Variants in PTPRK observed in about 807,000 individuals in gnomAD.
PTPRK encodes the protein protein tyrosine phosphatase receptor type K.
In PTPRK, 75 loss-of-function variants were observed where a neutral mutation model predicts 178.0. That is an observed-to-expected ratio of 0.42 (90% CI 0.35 to 0.51). The LOEUF is 0.51. Ranked by LOEUF, PTPRK falls within the 20% of genes least tolerant of loss-of-function variation. The pLI is 0.02. For missense variants in PTPRK, 1,441 were observed against 1,797.8 expected (o/e 0.80, Z 3.59); for synonymous variants, 637 against 620.6 (o/e 1.03, Z -0.39).
chr6:128,072,460 A>G (rs576525163), intron 11 of PTPRK, among the ~76,000 whole-genome samples: 2 of 152,118 alleles, frequency 1.3e-5, no homozygotes, highest in African/African-American at 4.8e-5. Context: ...ATCAGCTAAT[A>G]CAAAACCTGT....
chr6:128,339,413 T>C (rs1413174812), intron 2 of PTPRK, among the ~76,000 whole-genome samples: 1 of 152,080 alleles, frequency 6.6e-6, no homozygotes, highest in Non-Finnish European at 1.5e-5. Context: ...ACTAAACACA[T>C]CTTGAATCTG....
intron 15 of PTPRK, among the ~76,000 whole-genome samples, chr6:128,001,693 T>C (rs2114693967): frequency 6.6e-6 from 1 of 152,086 alleles, no homozygotes; most frequent in Non-Finnish European, 1.5e-5. Flanking sequence ...GGAATTATTA[T>C]ACTGTTTTAT....
chr6:128,213,889 CAAAGG>C (rs911727134), intron 6 of PTPRK, among the ~76,000 whole-genome samples: 1 of 152,044 alleles, frequency 6.6e-6, no homozygotes, highest in Non-Finnish European at 1.5e-5. Flanking sequence ...ACCCACTTGA[CAAAGG>C]AAAGAGTCTG....
intron 13 of PTPRK, among the ~76,000 whole-genome samples, chr6:128,037,701 A>C (rs2114822565): frequency 6.6e-6 from 1 of 152,292 alleles, no homozygotes; most frequent in Non-Finnish European, 1.5e-5. Context: ...TCATGTCAGT[A>C]AATAAATTTT....
intron 13 of PTPRK, among the ~76,000 whole-genome samples, chr6:128,047,878 GT>G (rs1337545067): frequency 2.0e-5 from 3 of 151,542 alleles, no homozygotes; most frequent in Admixed American, 1.3e-4. Context: ...AATTAAGGAA[GT>G]CCAGCAATGG....
In PTPRK at chr6:128,343,500, CA is replaced by C. The variant is rs1199189035; in HGVS notation, c.224-21191del. ...GGGCAACAAGAGTGAAACTCCATCTCAAAAAAAAAAAAAAAGAAAAGAAAAA... is the reference window on the plus strand; with the variant it reads ...GGGCAACAAGAGTGAAACTCCATCTCAAAAAAAAAAAAAAGAAAAGAAAAA... On this transcript the variant is annotated intron_variant, in intron 2 of 29. Coordinates refer to ENST00000368226, the MANE Select transcript of PTPRK (RefSeq NM_002844.4). Among the ~76,000 whole-genome samples, 218 of 68,308 alleles carry C rather than the reference CA, an allele frequency of 3.2e-3. 2 individuals carry two copies. Among genetic ancestry groups the C allele is most frequent in the African/African-American group, 4.7e-3 (103 of 21,708 alleles). 44.8% of individuals were successfully genotyped at this position (68,308 alleles called of 152,430 possible).
rs904346320 is a variant in PTPRK, at chr6:128,083,894, CTAGA to C, written c.1466-74_1466-71del. On this transcript the variant is annotated intron_variant, in intron 8 of 29. Coordinates refer to ENST00000368226, the MANE Select transcript of PTPRK (RefSeq NM_002844.4). ...AAACAGAAAAAGTAAATCAGATAAG[CTAGA>C]TAAACAGGATTAAAAATAAATATAA... The C allele has an allele frequency of 9.4e-6, 7 of 743,524 alleles. No individual in the cohort carries two copies. In the African/African-American group the frequency reaches 1.3e-4, roughly 14 times the overall value. 46.1% of individuals were successfully genotyped at this position (743,524 alleles called of 1,614,324 possible). A position where few individuals can be genotyped will look rare whatever the true frequency, so the allele number is the denominator to read the frequency against.
rs944844128 is a variant in PTPRK, at chr6:128,520,210, T to A, written c.100+49A>T. 8 of 1,503,782 alleles carry A rather than the reference T, an allele frequency of 5.3e-6. No homozygotes were observed. In the African/African-American group the frequency reaches 5.6e-5, roughly 10 times the overall value. 93.2% of individuals were successfully genotyped at this position (1,503,782 alleles called of 1,614,324 possible). On this transcript the variant is annotated intron_variant, in intron 1 of 29. Transcript: ENST00000368226. ...TAGCGGGGACCTGGCTCACCCCTCG[T>A]GAGCCCAGGACTCCAGGCGTTCGTC...
intron 1 of PTPRK, among the ~76,000 whole-genome samples, chr6:128,443,999 C>T (rs533282928): frequency 3.9e-5 from 6 of 152,194 alleles, no homozygotes; most frequent in East Asian, 1.9e-4. Context: ...ACTACAGGCA[C>T]GTGCCACCAC....
chr6:128,361,072 T>G (rs972569357), intron 2 of PTPRK, among the ~76,000 whole-genome samples: 1 of 152,148 alleles, frequency 6.6e-6, no homozygotes, highest in African/African-American at 2.4e-5. Flanking sequence ...GTATCTAAAT[T>G]TATAAGGACT....
intron 1 of PTPRK, among the ~76,000 whole-genome samples, chr6:128,501,757 G>A (rs1024589388): frequency 6.6e-6 from 1 of 152,118 alleles, no homozygotes; most frequent in African/African-American, 2.4e-5. Context: ...AGTAACTTTA[G>A]CTAACAAATA....
chr6:128,101,060 G>T (rs560286671), intron 7 of PTPRK, among the ~76,000 whole-genome samples: 1 of 152,012 alleles, frequency 6.6e-6, no homozygotes, highest in East Asian at 1.9e-4. Flanking sequence ...ATATGTCCTG[G>T]TAGGGCTACA....
At chr6:128,345,371 G>A (rs1404551469) in intron 2 of PTPRK, among the ~76,000 whole-genome samples, 2 of 152,120 alleles carry the variant, frequency 1.3e-5, no homozygotes, top group Non-Finnish European at 2.9e-5. Context: ...CATAATGTAA[G>A]TATCAAATAA....
intron 1 of PTPRK, among the ~76,000 whole-genome samples, chr6:128,503,842 T>TTTTGTG (rs754558996): frequency 7.1e-6 from 1 of 139,886 alleles, no homozygotes; most frequent in African/African-American, 2.7e-5. Flanking sequence ...CTGGTTATTA[T>TTTTGTG]TGTGTGTGTG....
intron 6 of PTPRK, among the ~76,000 whole-genome samples, chr6:128,205,777 C>CAAAAAAAAAAAAAAA (rs57003128): frequency 2.0e-4 from 3 of 15,230 alleles, no homozygotes; most frequent in East Asian, 1.8e-3. Flanking sequence ...CATCACAGAC[C>CAAAAAAAAAAAAAAA]AAAAAAAAAA....
intron 1 of PTPRK, among the ~76,000 whole-genome samples, chr6:128,406,329 CA>C: frequency 6.6e-6 from 1 of 152,104 alleles, no homozygotes; most frequent in South Asian, 2.1e-4. Flanking sequence ...CCTTGCATAT[CA>C]AAATGTTTCT....
intron 13 of PTPRK, among the ~76,000 whole-genome samples, chr6:128,046,880 T>G (rs1778113766): frequency 6.6e-6 from 1 of 152,212 alleles, no homozygotes; most frequent in South Asian, 2.1e-4. Flanking sequence ...AGTTTTACTG[T>G]AACTTCTTGA....
At chr6:128,343,167 T>C (rs1375659157) in intron 2 of PTPRK, among the ~76,000 whole-genome samples, 2 of 152,094 alleles carry the variant, frequency 1.3e-5, no homozygotes. Context: ...CTGGATATCG[T>C]AACGCAGTAA....
At chr6:128,057,894 AT>A (rs2114902301) in intron 13 of PTPRK, among the ~76,000 whole-genome samples, 1 of 152,220 alleles carries the variant, frequency 6.6e-6, no homozygotes, top group East Asian at 1.9e-4. Flanking sequence ...TTTATTAGTT[AT>A]TTTACCTCTT....
Sources: gnomAD v4.1 joint callset for allele counts (sites outside exome capture counted in the v4.1 genomes callset) on GRCh38, gnomAD v4.1.1 for gene constraint, MANE v1.5 for transcripts, NCBI Gene and HGNC (gene_info 2026-07-23, HGNC 2026-07-21) for gene names.